XKR9: variants seen among roughly 807,000 people sequenced by gnomAD.
XKR9 encodes the protein XK related 9.
In XKR9, 32 loss-of-function variants were observed where a neutral mutation model predicts 32.0. The observed-to-expected ratio is 1.00, with a 90% CI of 0.76 to 1.34. The LOEUF is 1.34. Among genes scored for constraint, XKR9 ranks in the 40% most tolerant of loss-of-function variants. The pLI is 0.00. For missense variants in XKR9, 546 were observed against 429.7 expected (o/e 1.27, Z -2.39); for synonymous variants, 168 against 143.4 (o/e 1.17, Z -1.22).
intron 4 of XKR9, among the ~76,000 whole-genome samples, chr8:70,725,123 A>G (rs1158179847): frequency 6.6e-6 from 1 of 152,158 alleles, no homozygotes; most frequent in East Asian, 1.9e-4. Flanking sequence ...AGAACTTACT[A>G]TCATGAGAAT....
At chr8:70,730,760 T>A (rs541485923) in intron 4 of XKR9, among the ~76,000 whole-genome samples, 3 of 152,308 alleles carry the variant, frequency 2.0e-5, no homozygotes, top group Admixed American at 2.0e-4. Context: ...ACTGCCATTG[T>A]CAAAAAACAA....
chr8:70,690,065 TAAAC>T (rs1304067527), intron 3 of XKR9, among the ~76,000 whole-genome samples: 1 of 152,198 alleles, frequency 6.6e-6, no homozygotes, highest in Non-Finnish European at 1.5e-5. Context: ...GCCAGATAGA[TAAAC>T]AAACACTTTA....
At chr8:70,902,438 G>T in the XKR9 span, among the ~76,000 whole-genome samples, 3,835 of 152,276 alleles carry the variant, frequency 0.025, 162 homozygotes, top group African/African-American at 0.085. Flanking sequence ...GTTCACTCAT[G>T]ATTTGGCTCT....
chr8:70,893,854 G>A, the XKR9 span, among the ~76,000 whole-genome samples: 8 of 152,068 alleles, frequency 5.3e-5, no homozygotes, highest in Non-Finnish European at 1.0e-4. Context: ...AGTACCTACA[G>A]GGACAGGGTC....
the XKR9 span, among the ~76,000 whole-genome samples, chr8:70,933,162 T>G: frequency 6.6e-6 from 1 of 152,160 alleles, no homozygotes; most frequent in East Asian, 1.9e-4. Context: ...GCTCCTCTAT[T>G]ATTGAAGAGA....
chr8:71,020,666 A>G, the XKR9 span, among the ~76,000 whole-genome samples: 1 of 152,222 alleles, frequency 6.6e-6, no homozygotes, highest in South Asian at 2.1e-4. Flanking sequence ...TTTATAGGGC[A>G]TATGTAGTAT....
the XKR9 span, among the ~76,000 whole-genome samples, chr8:70,804,270 C>A: frequency 6.6e-6 from 1 of 152,232 alleles, no homozygotes; most frequent in Non-Finnish European, 1.5e-5. Flanking sequence ...TTGGGTATTT[C>A]CTGGGATAAC....
chr8:71,032,438 AC>A, the XKR9 span, among the ~76,000 whole-genome samples: 2 of 152,242 alleles, frequency 1.3e-5, no homozygotes, highest in South Asian at 4.1e-4. Flanking sequence ...ATCACTAGTT[AC>A]ATGGTTGAGT....
At chr8:70,758,199 C>T (rs1807256545) in intron 2 of XKR9, among the ~76,000 whole-genome samples, 1 of 70,338 alleles carries the variant, frequency 1.4e-5, no homozygotes, top group African/African-American at 3.7e-5. Flanking sequence ...CGTTGTTAAG[C>T]CTCTGATGTC....
downstream of XKR9, among the ~76,000 whole-genome samples, chr8:70,790,593 C>A (rs1467337258): frequency 6.6e-6 from 1 of 151,960 alleles, no homozygotes; most frequent in African/African-American, 2.4e-5. Flanking sequence ...CACCTTGCAT[C>A]TGAAATGAAA....
chr8:71,032,030 T>C, the XKR9 span, among the ~76,000 whole-genome samples: 2 of 152,142 alleles, frequency 1.3e-5, no homozygotes, highest in Non-Finnish European at 2.9e-5. Flanking sequence ...CACGGTGGCT[T>C]ACGCCTGTAA....
intron 2 of XKR9, among the ~76,000 whole-genome samples, chr8:70,778,572 A>G (rs891147141): frequency 6.6e-6 from 1 of 152,128 alleles, no homozygotes; most frequent in Non-Finnish European, 1.5e-5. Flanking sequence ...GATTCTTCCT[A>G]TCCATGAGCA....
At chr8:70,782,752 T>C (rs986191441) in intron 2 of XKR9, among the ~76,000 whole-genome samples, 3 of 152,184 alleles carry the variant, frequency 2.0e-5, no homozygotes. Flanking sequence ...AATGATAAGA[T>C]TTTCTTCTTT....
At chr8:70,920,215 A>G in the XKR9 span, among the ~76,000 whole-genome samples, 2 of 152,188 alleles carry the variant, frequency 1.3e-5, no homozygotes, top group South Asian at 4.1e-4. Flanking sequence ...TACTTTTAGG[A>G]ATACATGTTT....
At chr8:70,715,993 G>A (rs1176379414) in intron 4 of XKR9, among the ~76,000 whole-genome samples, 1 of 152,004 alleles carries the variant, frequency 6.6e-6, no homozygotes, top group African/African-American at 2.4e-5. Context: ...CAAGAAAGAT[G>A]ATAGGAGAAC....
the XKR9 span, among the ~76,000 whole-genome samples, chr8:70,963,960 T>G: frequency 6.6e-6 from 1 of 152,230 alleles, no homozygotes; most frequent in Non-Finnish European, 1.5e-5. Flanking sequence ...CAGAAGCTCT[T>G]TAGTTTAATT....
chr8:71,061,408 C>G, the XKR9 span, among the ~76,000 whole-genome samples: 1 of 152,186 alleles, frequency 6.6e-6, no homozygotes, highest in Non-Finnish European at 1.5e-5. Flanking sequence ...AGTGTTCCAG[C>G]CTTACCCATC....
the XKR9 span, among the ~76,000 whole-genome samples, chr8:70,823,808 G>A: frequency 9.9e-5 from 15 of 152,094 alleles, no homozygotes; most frequent in African/African-American, 3.6e-4. Context: ...GGAACCAGAA[G>A]GCTTATGTCC....
chr8:70,962,402 T>G, the XKR9 span, among the ~76,000 whole-genome samples: 1 of 152,140 alleles, frequency 6.6e-6, no homozygotes, highest in Admixed American at 6.5e-5. Flanking sequence ...ATTATTCCTA[T>G]GTTTATGTCT....
Sources: allele counts gnomAD v4.1 joint callset (sites outside exome capture counted in the v4.1 genomes callset), GRCh38; gene constraint gnomAD v4.1.1; transcripts MANE v1.5; gene names NCBI Gene and HGNC (gene_info 2026-07-23, HGNC 2026-07-21).